The following ZC3H3 variants were observed in gnomAD, a reference collection of about 807,000 sequenced individuals.
ZC3H3 encodes the protein zinc finger CCCH-type containing 3, also known as zinc finger CCCH domain-containing protein 3.
In ZC3H3, 36 loss-of-function variants were observed where a neutral mutation model predicts 77.3. The observed-to-expected ratio is 0.47, with a 90% CI of 0.36 to 0.61. The LOEUF is 0.61. Ranked by LOEUF, ZC3H3 falls within the 20% of genes least tolerant of loss-of-function variation. ZC3H3 has a pLI of 0.00. For missense variants in ZC3H3, 1,331 were observed against 1,312.2 expected (o/e 1.01, Z -0.22); for synonymous variants, 626 against 555.2 (o/e 1.13, Z -1.79).
intron 3 of ZC3H3, among the ~76,000 whole-genome samples, chr8:143,519,014 C>T (rs951890110): frequency 2.0e-5 from 3 of 152,240 alleles, no homozygotes; most frequent in Non-Finnish European, 2.9e-5. Flanking sequence ...GGTGATGCAT[C>T]CCCAGTGCAC....
chr8:143,512,476 C>T (rs1172568349), intron 3 of ZC3H3, among the ~76,000 whole-genome samples: 1 of 152,248 alleles, frequency 6.6e-6, no homozygotes, highest in Non-Finnish European at 1.5e-5. Flanking sequence ...CAACTCTGTG[C>T]CAGCCCAGGT....
chr8:143,441,713 A>G (rs375787130), intron 9 of ZC3H3, among the ~76,000 whole-genome samples: 2 of 152,146 alleles, frequency 1.3e-5, no homozygotes, highest in East Asian at 3.9e-4. Flanking sequence ...CCAGGCCCAC[A>G]GGGAAACACA....
intron 4 of ZC3H3, among the ~76,000 whole-genome samples, chr8:143,503,446 C>T (rs984135910): frequency 2.0e-5 from 3 of 152,134 alleles, no homozygotes; most frequent in African/African-American, 7.2e-5. Flanking sequence ...CAACGACGAG[C>T]ACTGGCCGGC....
intron 9 of ZC3H3, among the ~76,000 whole-genome samples, chr8:143,458,960 A>C (rs539980701): frequency 1.3e-5 from 2 of 148,366 alleles, no homozygotes; most frequent in Non-Finnish European, 3.0e-5. Flanking sequence ...GTTCTTCAAG[A>C]AAAAAAAAAA....
intron 5 of ZC3H3, among the ~76,000 whole-genome samples, chr8:143,474,890 A>C (rs1049032342): frequency 1.6e-4 from 24 of 152,170 alleles, no homozygotes; most frequent in Non-Finnish European, 1.6e-4. Flanking sequence ...ACAGTTGTCG[A>C]GGCGTCGCCA....
chr8:143,472,604 C>T (rs1820601416), intron 5 of ZC3H3, among the ~76,000 whole-genome samples: 2 of 152,314 alleles, frequency 1.3e-5, no homozygotes, highest in Admixed American at 1.3e-4. Flanking sequence ...TGCAAACCTG[C>T]TGCCTGCCAC....
At chr8:143,471,755 C>T (rs1485526344) in intron 5 of ZC3H3, among the ~76,000 whole-genome samples, 1 of 152,186 alleles carries the variant, frequency 6.6e-6, no homozygotes, top group African/African-American at 2.4e-5. Flanking sequence ...AGGACAGCCA[C>T]CCCCACCCCT....
intron 3 of ZC3H3, among the ~76,000 whole-genome samples, chr8:143,525,577 G>A (rs1466211748): frequency 6.6e-6 from 1 of 152,216 alleles, no homozygotes; most frequent in Non-Finnish European, 1.5e-5. Flanking sequence ...CTCCTTGCAT[G>A]TCGCCCTGCT....
chr8:143,503,439 C>T (rs1171611851), intron 4 of ZC3H3, among the ~76,000 whole-genome samples: 5 of 152,140 alleles, frequency 3.3e-5, no homozygotes, highest in African/African-American at 7.2e-5. Context: ...CATCTGACAA[C>T]GACGAGCACT....
At chr8:143,500,861 T>C (rs965093689) in intron 4 of ZC3H3, among the ~76,000 whole-genome samples, 1 of 150,676 alleles carries the variant, frequency 6.6e-6, no homozygotes, top group African/African-American at 2.4e-5. Context: ...TTGCCCAGGC[T>C]GGAGTGCAGT....
At chr8:143,450,591 G>A (rs768814229) in intron 9 of ZC3H3, among the ~76,000 whole-genome samples, 6 of 152,306 alleles carry the variant, frequency 3.9e-5, no homozygotes, top group South Asian at 2.1e-4. Context: ...GCTTCCAATC[G>A]TGGCAGAAGG....
Position 143,520,828 on chromosome 8 carries a change from G to A in ZC3H3, c.1562-12929C>T, listed in dbSNP as rs569888723. Among the ~76,000 whole-genome samples the A allele has an allele frequency of 3.9e-5, 6 of 152,306 alleles. No individual in the cohort carries two copies. The South Asian group carries it at 1.0e-3, about 26-fold the overall frequency. On this transcript the variant is annotated intron_variant, in intron 3 of 11. Coordinates refer to ENST00000262577, the MANE Select transcript of ZC3H3 (RefSeq NM_015117.3). ...GATTTCCCACTGACAGGCAGCTCAC[G>A]GTGCCCACTAGGGCCCACCCCTGCC... is the stretch of plus-strand genomic sequence containing the variant.
intron 9 of ZC3H3, among the ~76,000 whole-genome samples, chr8:143,465,347 G>A (rs1002826590): frequency 3.3e-5 from 5 of 151,856 alleles, no homozygotes; most frequent in Non-Finnish European, 7.4e-5. Flanking sequence ...GCAGCCCTGC[G>A]GGCTCCCTGG....
rs754913575 is a variant in ZC3H3, at chr8:143,538,055, C to T, written c.1312G>A (p.Ala438Thr). The T allele has an allele frequency of 1.9e-6, 3 of 1,612,226 alleles. No homozygotes were observed. Among genetic ancestry groups the T allele is most frequent in the Admixed American group, 3.3e-5 (2 of 59,864 alleles). ...TTGGTGCGGCTCTTCACTTTGTAAG[C>T]CGAGAGCGGGGTCTCCCCAGAGAGG... ...KPLSGETPLSAYKVKSRTKII... is the reference protein window; with the variant it reads ...KPLSGETPLSTYKVKSRTKII... The change falls in exon 2 of 12, where the codon GCT becomes ACT. Residue 438 changes from alanine (A) to threonine (T), a missense_variant. Coordinates refer to ENST00000262577, the MANE Select transcript of ZC3H3 (RefSeq NM_015117.3).
intron 2 of ZC3H3, among the ~76,000 whole-genome samples, chr8:143,537,244 AAGTG>A (rs1184634484): frequency 6.6e-6 from 1 of 152,220 alleles, no homozygotes; most frequent in Admixed American, 6.5e-5. Context: ...TGCGCCAAGC[AAGTG>A]AGTGACTCTG....
chr8:143,511,412 A>G (rs1821866343), intron 3 of ZC3H3, among the ~76,000 whole-genome samples: 1 of 152,366 alleles, frequency 6.6e-6, no homozygotes, highest in East Asian at 1.9e-4. Context: ...TCAAAGGGAA[A>G]TAACTAGGAA....
At chr8:143,451,805 A>T (rs939873457) in intron 9 of ZC3H3, among the ~76,000 whole-genome samples, 1 of 151,786 alleles carries the variant, frequency 6.6e-6, no homozygotes, top group Non-Finnish European at 1.5e-5. Context: ...AAAAGAAAAG[A>T]AAAGAAAAGA....
rs77590174 is a variant in ZC3H3, at chr8:143,530,338, G to A, written c.1561+5919C>T. ...CCACGGGGGAAGGGGGCAGGCCACC[G>A]GCATGCATCCACCATCCTGGGTGGG... On this transcript the variant is annotated intron_variant, in intron 3 of 11. Coordinates refer to ENST00000262577, the MANE Select transcript of ZC3H3 (RefSeq NM_015117.3). This position sits in a 1 kb window ranked among gnomAD's most constrained non-coding sequence, Gnocchi z 4.3. 5.4e-3 allele frequency among the ~76,000 whole-genome samples: 824 copies of A among 152,226 alleles called. 3 individuals carry two copies. The highest frequency in any genetic ancestry group is 0.019 in the African/African-American group (772 of 41,536).
Position 143,465,791 on chromosome 8 carries a change from T to C in ZC3H3, c.2233A>G (p.Ser745Gly). The part of the protein sequence containing the change: ...GICSNSNCPY[S>G]HVYVSRKAEV... ...GCCTTGCGGGACACGTACACGTGGC[T>C]ATAGGGACAGTTGCTGTTGCTGCAG... The change falls in exon 9 of 12, where the codon AGC becomes GGC. Residue 745 changes from serine (S) to glycine (G), a missense_variant. Coordinates refer to ENST00000262577, the MANE Select transcript of ZC3H3 (RefSeq NM_015117.3). 6.2e-7 allele frequency: 1 copy of C among 1,613,804 alleles called. No homozygotes were observed. The highest frequency in any genetic ancestry group is 8.5e-7 in the Non-Finnish European group (1 of 1,180,018).
Sources: allele counts gnomAD v4.1 joint callset (sites outside exome capture counted in the v4.1 genomes callset), GRCh38; gene constraint gnomAD v4.1.1; non-coding constraint Gnocchi (gnomAD v3.1); transcripts MANE v1.5; gene names NCBI Gene and HGNC (gene_info 2026-07-23, HGNC 2026-07-21).